FAIM2: variants seen among roughly 807,000 people sequenced by gnomAD.
FAIM2 encodes Fas apoptotic inhibitory molecule 2.
A neutral mutation model predicts 47.4 loss-of-function variants in FAIM2; 27 were observed. The ratio of observed to expected loss-of-function variants is 0.57; its 90% CI spans 0.42 to 0.78. The LOEUF (loss-of-function observed/expected upper bound fraction) is 0.78. Ranked by LOEUF, FAIM2 falls within the 30% of genes least tolerant of loss-of-function variation. The pLI, the probability that FAIM2 is intolerant of heterozygous loss-of-function variation, is 0.00. For synonymous variants in FAIM2, 156 were observed against 159.3 expected (o/e 0.98, Z 0.16); for missense variants, 311 against 389.4 (o/e 0.80, Z 1.69).
At chr12:49,877,896 G>C (rs1212859342) in intron 11 of FAIM2, among the ~76,000 whole-genome samples, 2 of 151,980 alleles carry the variant, frequency 1.3e-5, no homozygotes, top group African/African-American at 4.8e-5. Context: ...ATGTGGGTAT[G>C]TGTGTGTATA....
rs1214837279 is a variant in FAIM2 at position 49,889,469 on chromosome 12, C to G, written c.651+12G>C. 1.9e-6 allele frequency: 3 copies of G among 1,612,728 alleles called. No homozygotes were observed. The highest frequency in any genetic ancestry group is 2.5e-6 in the Non-Finnish European group (3 of 1,178,916). On this transcript the variant is annotated intron_variant, in intron 9 of 11. Coordinates refer to ENST00000320634, the MANE Select transcript of FAIM2 (RefSeq NM_012306.4). ...AGGCCAGGGGTCCCTGCCTGCAGGCCCCAGAGCTGACCTTGGTCTGGAAGC... is the reference window on the plus strand; with the variant it reads ...AGGCCAGGGGTCCCTGCCTGCAGGCGCCAGAGCTGACCTTGGTCTGGAAGC...
At position 49,868,895 on chromosome 12, in the gene FAIM2, C is replaced by T. The variant is rs1166190012; in HGVS notation, c.*1609G>A. ...TTCAAATATCCAAGATGGAACAAAA[C>T]TTCAAATGCTTCTGCAATGTTTCTT... On this transcript the variant is annotated 3_prime_UTR_variant, in exon 12 of 12. Coordinates refer to ENST00000320634, the MANE Select transcript of FAIM2 (RefSeq NM_012306.4). 1.3e-5 allele frequency: 2 copies of T among 152,000 alleles called. No individual in the cohort carries two copies. The highest frequency in any genetic ancestry group is 2.9e-5 in the Non-Finnish European group (2 of 68,004). 9.4% of individuals were successfully genotyped at this position (152,000 alleles called of 1,614,324 possible). A position where few individuals can be genotyped will look rare whatever the true frequency, so the allele number is the denominator to read the frequency against.
chr12:49,903,001 C>A (rs1046406972), intron 1 of FAIM2: 3 of 151,954 alleles, frequency 2.0e-5, no homozygotes, highest in African/African-American at 7.3e-5. Flanking sequence ...GAGGTCCTTC[C>A]CCTGTTTTCT....
Position 49,901,161 on chromosome 12 carries a change from A to G in FAIM2, c.180T>C (p.Pro60=), listed in dbSNP as rs2137109565. 1 of 1,605,336 alleles carries G rather than the reference A, an allele frequency of 6.2e-7. No individual in the cohort carries two copies. The highest frequency in any genetic ancestry group is 1.1e-5 in the South Asian group (1 of 89,760). ...GAFPPAPTAV[P]LHPSWAYVDP... is the part of the protein sequence containing the mutation. ...CCACATAGGCCCAGCTAGGGTGGAG[A>G]GGCACCGCTGTGGGGGCTGGGGGGA... Residue 60 remains proline (P), a synonymous_variant, in exon 2 of 12, where the codon CCT becomes CCC. Transcript: ENST00000320634.
chr12:49,901,186 A>G lies in FAIM2; in HGVS notation c.155T>C (p.Phe52Ser). The change falls in exon 2 of 12, where the codon TTC (phenylalanine) becomes TCC (serine). Residue 52 changes from phenylalanine (F) to serine (S), a missense_variant. Phe to Ser is a radical substitution (Grantham distance 155, BLOSUM62 -2). Transcript: ENST00000320634. ...TSGEGMKAGA[F>S]PPAPTAVPLH... ...AGGCACCGCTGTGGGGGCTGGGGGGAAGGCCCCTGCCTTCATCCCCTCCCC... is the reference window on the plus strand; with the variant it reads ...AGGCACCGCTGTGGGGGCTGGGGGGGAGGCCCCTGCCTTCATCCCCTCCCC... 6.2e-7 allele frequency: 1 copy of G among 1,606,798 alleles called. No individual in the cohort carries two copies. The highest frequency in any genetic ancestry group is 8.5e-7 in the Non-Finnish European group (1 of 1,177,026).
At chr12:49,883,942 T>C (rs1946843251) in intron 11 of FAIM2, among the ~76,000 whole-genome samples, 1 of 152,056 alleles carries the variant, frequency 6.6e-6, no homozygotes, top group South Asian at 2.1e-4. Flanking sequence ...GAGGGAATGG[T>C]CGGGCGCTAT....
chr12:49,903,430 C>T (rs981511578), intron 1 of FAIM2, among the ~76,000 whole-genome samples: 1 of 152,216 alleles, frequency 6.6e-6, no homozygotes, highest in African/African-American at 2.4e-5. Flanking sequence ...CCCCTCAGGG[C>T]TCACCCTGGC....
intron 8 of FAIM2, among the ~76,000 whole-genome samples, chr12:49,889,900 C>G (rs1265010999): frequency 6.6e-6 from 1 of 152,038 alleles, no homozygotes; most frequent in Non-Finnish European, 1.5e-5. Flanking sequence ...GAGGAGCCAC[C>G]TTGCTCCCCA....
chr12:49,878,800 A>ATGTGCGTCTGTGTATG (rs796913911), intron 11 of FAIM2, among the ~76,000 whole-genome samples: 38,035 of 75,720 alleles, frequency 0.5, 12,743 homozygotes, highest in African/African-American at 0.54. Flanking sequence ...CTGTGTGTAT[A>ATGTGCGTCTGTGTATG]TGTGTGCATG....
intron 11 of FAIM2, among the ~76,000 whole-genome samples, chr12:49,880,177 T>C (rs1194204737): frequency 1.1e-4 from 15 of 130,694 alleles, no homozygotes; most frequent in East Asian, 2.2e-4. Context: ...TATGTGTGTG[T>C]ATGCATGTGT....
chr12:49,890,818 C>A, intron 6 of FAIM2, 96 bp from the exon 7 acceptor site: 1 of 1,021,738 alleles, frequency 9.8e-7, no homozygotes, highest in South Asian at 1.3e-5. Context: ...TCTGACCAAC[C>A]CCCTCCACAC....
intron 1 of FAIM2, 151 bp downstream of exon 1, chr12:49,903,626 CT>C: frequency 9.4e-7 from 1 of 1,063,938 alleles, no homozygotes; most frequent in Non-Finnish European, 1.4e-6. Flanking sequence ...TGACACCGGC[CT>C]TTCGGTCCTC....
chr12:49,885,079 G>A (rs1946852207), intron 11 of FAIM2, among the ~76,000 whole-genome samples: 1 of 152,244 alleles, frequency 6.6e-6, no homozygotes, highest in African/African-American at 2.4e-5. Context: ...GCCAGACTGT[G>A]GTGGAGATGC....
intron 11 of FAIM2, among the ~76,000 whole-genome samples, chr12:49,883,748 G>A (rs992175440): frequency 3.3e-5 from 5 of 152,130 alleles, no homozygotes; most frequent in South Asian, 2.1e-4. Flanking sequence ...CTGTAGAAAC[G>A]CCTGGGTGGG....
chr12:49,878,233 T>G (rs1370569592), intron 11 of FAIM2, among the ~76,000 whole-genome samples: 1 of 131,854 alleles, frequency 7.6e-6, no homozygotes, highest in African/African-American at 2.9e-5. Flanking sequence ...TGTGCATGAG[T>G]GTATGTGTGT....
rs557079832 is a variant in FAIM2, at chr12:49,874,067, G to A, written c.802-3414C>T. 1.3e-5 allele frequency among the ~76,000 whole-genome samples: 2 copies of A among 152,284 alleles called. No individual in the cohort carries two copies. Among genetic ancestry groups the A allele is most frequent in the South Asian group, 4.1e-4 (2 of 4,822 alleles). On this transcript the variant is annotated intron_variant, in intron 11 of 11. Transcript: ENST00000320634. The surrounding 1 kb of genome is among the most constrained non-coding windows in gnomAD (Gnocchi z 4.2). ...TGTCTTGGTTGAGAGCAGGTATCTTGGTTATAGTTAACATCTTAGTGGGTA... is the reference window on the plus strand; with the variant it reads ...TGTCTTGGTTGAGAGCAGGTATCTTAGTTATAGTTAACATCTTAGTGGGTA...
chr12:49,891,228 C>G, intron 5 of FAIM2, 114 bp from the exon 6 acceptor site: 1 of 995,594 alleles, frequency 1.0e-6, no homozygotes, highest in East Asian at 2.5e-5. Context: ...CCAGGAGGGA[C>G]AGGATGGGGA....
At position 49,890,183 on chromosome 12, in the gene FAIM2, T is replaced by C. The variant is rs765235785; in HGVS notation, c.526-29A>G. ...AAAGGAGAAGCAGGGTAAAGGAATGTTCCAAACTCAGACGCAGGGGCCCAG... is the reference window on the plus strand; with the variant it reads ...AAAGGAGAAGCAGGGTAAAGGAATGCTCCAAACTCAGACGCAGGGGCCCAG... On this transcript the variant is annotated intron_variant, in intron 7 of 11. Transcript: ENST00000320634. The C allele has an allele frequency of 4.7e-5, 76 of 1,613,376 alleles. No individual in the cohort carries two copies. The South Asian group carries it at 8.2e-4, about 17-fold the overall frequency.
chr12:49,898,944 A>G (rs1473218546), intron 2 of FAIM2, among the ~76,000 whole-genome samples: 1 of 152,148 alleles, frequency 6.6e-6, no homozygotes, highest in Middle Eastern at 3.4e-3. Context: ...GCTGGAGGGG[A>G]AATAAAGCCA....
Sources: allele counts gnomAD v4.1 joint callset (sites outside exome capture counted in the v4.1 genomes callset), GRCh38; gene constraint gnomAD v4.1.1; non-coding constraint Gnocchi (gnomAD v3.1); transcripts MANE v1.5; gene names NCBI Gene and HGNC (gene_info 2026-07-23, HGNC 2026-07-21).